Variants in STS observed in about 807,000 individuals in gnomAD.
STS encodes the protein steroid sulfatase.
Under a neutral mutation model 26.8 loss-of-function variants are expected in STS, and 7 were observed. The ratio of observed to expected loss-of-function variants is 0.26; its 90% CI spans 0.15 to 0.49. The LOEUF (loss-of-function observed/expected upper bound fraction) is 0.49. Among genes scored for constraint, STS ranks in the 20% least tolerant of loss-of-function variants. STS has a pLI of 0.98. For synonymous variants in STS, 199 were observed against 189.4 expected, an observed-to-expected ratio of 1.05 and a Z score of -0.42; for missense variants, 434 against 465.6, an observed-to-expected ratio of 0.93 and a Z score of 0.63.
chrX:7,298,431 G>A (rs1276526604), intron 7 of STS, among the ~76,000 whole-genome samples: 1 of 111,770 alleles, frequency 8.9e-6, no homozygotes, highest in African/African-American at 3.3e-5. Context: ...TCAGGAAGAA[G>A]TACTAGATTG....
intron 8 of STS, among the ~76,000 whole-genome samples, chrX:7,324,570 T>G (rs977149108): frequency 9.0e-6 from 1 of 111,704 alleles, no homozygotes; most frequent in South Asian, 3.8e-4. Flanking sequence ...GCCTGCTATC[T>G]GTCGTGTTGG....
chrX:7,246,600 C>T lies in STS; in HGVS notation c.-4-6596C>T, dbSNP rs142523665. Among the ~76,000 whole-genome samples the T allele has an allele frequency of 9.0e-3, 1,004 of 111,679 alleles. 9 individuals carry two copies. The highest frequency in any genetic ancestry group is 0.03 in the African/African-American group (934 of 30,774). ...GGATTACAGGCGTGAGCCACCGCGC[C>T]CGGCCCTGGGAGAGACTTTCAACTT... is the stretch of plus-strand genomic sequence containing the variant. On this transcript the variant is annotated intron_variant, in intron 2 of 10. Coordinates refer to ENST00000674429, the MANE Select transcript of STS (RefSeq NM_001320752.2).
At chrX:7,345,162 C>A (rs778554740) in intron 10 of STS, among the ~76,000 whole-genome samples, 4 of 111,285 alleles carry the variant, frequency 3.6e-5, no homozygotes, top group Non-Finnish European at 7.5e-5. Flanking sequence ...GAGGGTAGGA[C>A]TGCTATTTCT....
intron 2 of STS, among the ~76,000 whole-genome samples, chrX:7,227,376 A>C (rs1455527198): frequency 1.8e-5 from 2 of 111,345 alleles, no homozygotes; most frequent in African/African-American, 6.5e-5. Flanking sequence ...ATCATTCCCC[A>C]AAAAGTAAAT....
chrX:7,272,308 A>T (rs1009249493), intron 6 of STS, among the ~76,000 whole-genome samples: 42 of 108,620 alleles, frequency 3.9e-4, no homozygotes, highest in Admixed American at 5.9e-4. Context: ...GTAAGAAGAG[A>T]CTTAGGAGAG....
intron 10 of STS, among the ~76,000 whole-genome samples, chrX:7,346,494 T>C (rs1266334533): frequency 9.1e-6 from 1 of 109,723 alleles, no homozygotes; most frequent in African/African-American, 3.3e-5. Context: ...TCCACTTTAA[T>C]TTCCCTGCAT....
At chrX:7,314,471 A>T (rs896178313) in intron 8 of STS, among the ~76,000 whole-genome samples, 1 of 112,473 alleles carries the variant, frequency 8.9e-6, no homozygotes, top group Non-Finnish European at 1.9e-5. Context: ...GACCAGACAG[A>T]TGGGTTAACA....
chrX:7,346,684 A>C (rs1928543135), intron 10 of STS, among the ~76,000 whole-genome samples: 2 of 112,208 alleles, frequency 1.8e-5, no homozygotes, highest in Non-Finnish European at 3.8e-5. Context: ...TTTTTTAAAA[A>C]TTTAACATTT....
At chrX:7,157,046 T>C (rs1263398114) in intron 1 of STS, among the ~76,000 whole-genome samples, 5 of 111,848 alleles carry the variant, frequency 4.5e-5, no homozygotes, top group Non-Finnish European at 9.4e-5. Flanking sequence ...TATACAGAGC[T>C]CACTGCTATT....
At position 7,352,373 on chromosome X, in the gene STS, G is replaced by T. The variant is rs1601772312; in HGVS notation, c.*2112G>T. 1 of 112,197 alleles carries T rather than the reference G, an allele frequency of 8.9e-6. No homozygotes were observed. Among genetic ancestry groups the T allele is most frequent in the East Asian group, 2.8e-4 (1 of 3,591 alleles). The allele number at this position is 112,197 out of a possible 1,213,427, so 9.2% of individuals were successfully genotyped here. A position where few individuals can be genotyped will look rare whatever the true frequency, so the allele number is the denominator to read the frequency against. On this transcript the variant is annotated 3_prime_UTR_variant, in exon 11 of 11. Coordinates refer to ENST00000674429, the MANE Select transcript of STS (RefSeq NM_001320752.2). Reference sequence around the variant, plus strand: ...TGTAAAATGTCAATAGCAAATGAAGGATGAAGTATATCTCTAGATGCAAAT... The same window carrying T: ...TGTAAAATGTCAATAGCAAATGAAGTATGAAGTATATCTCTAGATGCAAAT...
At chrX:7,288,157 C>CTTTT (rs58390637) in intron 7 of STS, among the ~76,000 whole-genome samples, 6 of 99,620 alleles carry the variant, frequency 6.0e-5, no homozygotes, top group Non-Finnish European at 1.2e-4. Flanking sequence ...TTTTTCCTGC[C>CTTTT]TTTTTTTTTT....
intron 1 of STS, among the ~76,000 whole-genome samples, chrX:7,172,189 A>G (rs1254907491): frequency 1.8e-5 from 2 of 111,665 alleles, no homozygotes; most frequent in Non-Finnish European, 3.8e-5. Flanking sequence ...GATGATCATC[A>G]GATTGTATCA....
rs1433954013 is a variant in STS, at chrX:7,259,534, G to A, written c.568G>A (p.Val190Ile). 3 of 1,211,656 alleles carry A rather than the reference G, an allele frequency of 2.5e-6. No homozygotes were observed. Among genetic ancestry groups the A allele is most frequent in the Non-Finnish European group, 3.4e-6 (3 of 895,409 alleles). ...CTTCCTCCCCCTGCAGATCGTCGGG[G>A]TCACCCTCCTTACCCTTGCTGCACT... ...LVFLPLQIVG[V>I]TLLTLAALNC... Residue 190 changes from valine to isoleucine, a missense_variant, in exon 6 of 11, where the codon GTC becomes ATC. Coordinates refer to ENST00000674429, the MANE Select transcript of STS (RefSeq NM_001320752.2).
chrX:7,284,839 A>G (rs1569212895), intron 7 of STS, among the ~76,000 whole-genome samples: 1 of 111,971 alleles, frequency 8.9e-6, no homozygotes. Flanking sequence ...AACTTTTAGG[A>G]GAGCGATTGT....
intron 1 of STS, among the ~76,000 whole-genome samples, chrX:7,159,388 T>G (rs1233427905): frequency 8.9e-6 from 1 of 111,911 alleles, no homozygotes; most frequent in Non-Finnish European, 1.9e-5. Flanking sequence ...GTAACTCACG[T>G]AACAAACAGG....
At chrX:7,349,485 G>T (rs1928690027) in intron 10 of STS, among the ~76,000 whole-genome samples, 1 of 106,609 alleles carries the variant, frequency 9.4e-6, no homozygotes, top group African/African-American at 3.4e-5. Flanking sequence ...ACAGGGACCT[G>T]CCACAACACC....
At chrX:7,215,033 A>G (rs191750447) in intron 2 of STS, among the ~76,000 whole-genome samples, 942 of 65,572 alleles carry the variant, frequency 0.014, 25 homozygotes, top group African/African-American at 0.045. Flanking sequence ...TTATATATGT[A>G]TATATATACA....
intron 8 of STS, among the ~76,000 whole-genome samples, chrX:7,320,191 A>G (rs1209798455): frequency 9.9e-6 from 1 of 100,621 alleles, no homozygotes; most frequent in African/African-American, 3.6e-5. Flanking sequence ...TATATATAAA[A>G]TATTAAAATG....
chrX:7,288,210 G>A (rs745716502), intron 7 of STS, among the ~76,000 whole-genome samples: 7 of 96,532 alleles, frequency 7.3e-5, no homozygotes, highest in Admixed American at 1.1e-4. Flanking sequence ...ATAAATTTTT[G>A]TAGTTAAACC....
Sources: gnomAD v4.1 joint callset for allele counts (sites outside exome capture counted in the v4.1 genomes callset) on GRCh38, gnomAD v4.1.1 for gene constraint, MANE v1.5 for transcripts, NCBI Gene and HGNC (gene_info 2026-07-23, HGNC 2026-07-21) for gene names.